The following VWA8 variants were observed in gnomAD, a reference collection of about 807,000 sequenced individuals.
VWA8 encodes the protein von Willebrand factor A domain-containing protein 8.
VWA8 carries 221 observed loss-of-function variants against 241.5 expected under a neutral mutation model. The observed-to-expected ratio is 0.91, with a 90% CI of 0.82 to 1.02. VWA8 has a LOEUF of 1.02. Among genes scored for constraint, VWA8 ranks in the 50% least tolerant of loss-of-function variants. VWA8 has a pLI of 0.00. For synonymous variants in VWA8, 852 were observed against 827.1 expected (o/e 1.03, Z -0.52); for missense variants, 2,322 against 2,328.7 (o/e 1.00, Z 0.06).
In VWA8 at chr13:41,881,930, G is replaced by A. The variant is rs1214303397; in HGVS notation, c.1080+1457C>T. On this transcript the variant is annotated intron_variant, in intron 9 of 44. Coordinates refer to ENST00000379310, the MANE Select transcript of VWA8 (RefSeq NM_015058.2). ...TGACCCCCACCTCCCTCCCGGACGG[G>A]GTGGCTGCTGGGCGGAGACGCTCCT... is the stretch of plus-strand genomic sequence containing the variant. Among the ~76,000 whole-genome samples, 3 of 150,722 alleles carry A rather than the reference G, an allele frequency of 2.0e-5. 1 individual carries two copies. Among genetic ancestry groups the A allele is most frequent in the Admixed American group, 2.0e-4 (3 of 15,180 alleles).
chr13:41,638,822 A>G (rs75360045), intron 37 of VWA8, among the ~76,000 whole-genome samples: 3,067 of 152,292 alleles, frequency 0.02, 59 homozygotes, highest in East Asian at 0.097. Context: ...GTTCAGAAAA[A>G]TATTAGAGCA....
At chr13:41,680,390 C>T (rs1428578119) in intron 35 of VWA8, among the ~76,000 whole-genome samples, 1 of 152,166 alleles carries the variant, frequency 6.6e-6, no homozygotes, top group South Asian at 2.1e-4. Flanking sequence ...CTTCACCATG[C>T]TCATAGGGAT....
At chr13:41,678,978 A>G (rs1192108306) in intron 35 of VWA8, among the ~76,000 whole-genome samples, 6 of 152,214 alleles carry the variant, frequency 3.9e-5, no homozygotes, top group Non-Finnish European at 5.9e-5. Context: ...AATATTTACA[A>G]AAAGATTCTT....
Position 41,692,953 on chromosome 13 carries a change from A to G in VWA8, c.3584T>C (p.Leu1195Ser). 1 of 1,610,028 alleles carries G rather than the reference A, an allele frequency of 6.2e-7. No homozygotes were observed. Among genetic ancestry groups the G allele is most frequent in the Non-Finnish European group, 8.5e-7 (1 of 1,177,308 alleles). The change falls in exon 30 of 45, where the codon TTA becomes TCA. Residue 1195 changes from leucine to serine, a missense_variant. Coordinates refer to ENST00000379310, the MANE Select transcript of VWA8 (RefSeq NM_015058.2). ...ATGAAGGGCCCGGCCAGTAGTATCT[A>G]ACAACAGGATAACATTACTCTGCAA... Reference protein sequence around the residue: ...HEQQSNVILLLDTTGRALHRL... With the variant: ...HEQQSNVILLSDTTGRALHRL...
chr13:41,889,882 T>A (rs1874743917), intron 5 of VWA8, among the ~76,000 whole-genome samples: 2 of 152,340 alleles, frequency 1.3e-5, no homozygotes, highest in Middle Eastern at 3.4e-3. Flanking sequence ...TAATCTCTAG[T>A]GGCAAGTAGT....
chr13:41,687,480 C>T (rs906958126), intron 34 of VWA8, among the ~76,000 whole-genome samples: 6 of 152,064 alleles, frequency 3.9e-5, no homozygotes, highest in African/African-American at 1.4e-4. Flanking sequence ...TAGTTTCATA[C>T]ATAATCCAAA....
At chr13:41,724,300 G>A (rs2045414963) in intron 24 of VWA8, among the ~76,000 whole-genome samples, 2 of 152,206 alleles carry the variant, frequency 1.3e-5, no homozygotes, top group South Asian at 4.1e-4. Context: ...ACAAATGACT[G>A]TGAGGAATTT....
chr13:41,880,575 C>T (rs899030674), intron 9 of VWA8, among the ~76,000 whole-genome samples: 1 of 152,220 alleles, frequency 6.6e-6, no homozygotes, highest in African/African-American at 2.4e-5. Context: ...ATTTAGCTAT[C>T]CAATCTCTTC....
intron 17 of VWA8, among the ~76,000 whole-genome samples, chr13:41,797,976 G>A (rs1052729372): frequency 1.3e-5 from 2 of 151,986 alleles, no homozygotes; most frequent in African/African-American, 2.4e-5. Flanking sequence ...GTGCTGACAG[G>A]TATAACATTC....
chr13:41,836,657 G>A (rs1454462985), intron 12 of VWA8, among the ~76,000 whole-genome samples: 3 of 152,036 alleles, frequency 2.0e-5, no homozygotes, highest in Non-Finnish European at 4.4e-5. Context: ...CACAGGATGT[G>A]TACAGTACTT....
rs771511624 is a variant in VWA8 at position 41,907,686 on chromosome 13, T to C, written c.383A>G (p.Lys128Arg). The change falls in exon 4 of 45, where the codon AAA (lysine) becomes AGA (arginine). Residue 128 changes from lysine (K) to arginine (R), a missense_variant. Coordinates refer to ENST00000379310, the MANE Select transcript of VWA8 (RefSeq NM_015058.2). ...SIAMQYLELT[K>R]REVEYIALSR... ...CAGGGCAATGTATTCGACCTCCCGTTTGGTCAGCTCCTGTAGAGAAGAGAA... is the reference window on the plus strand; with the variant it reads ...CAGGGCAATGTATTCGACCTCCCGTCTGGTCAGCTCCTGTAGAGAAGAGAA... The C allele has an allele frequency of 5.6e-6, 9 of 1,613,892 alleles. No homozygotes were observed. The highest frequency in any genetic ancestry group is 1.7e-5 in the Admixed American group (1 of 59,994).
chr13:41,726,206 A>C (rs989188283), intron 24 of VWA8, among the ~76,000 whole-genome samples: 6 of 152,310 alleles, frequency 3.9e-5, no homozygotes, highest in African/African-American at 1.4e-4. Context: ...GTGGATACAA[A>C]AAAATTTCTT....
At chr13:41,669,126 C>A (rs1347223094) in intron 37 of VWA8, among the ~76,000 whole-genome samples, 1 of 152,094 alleles carries the variant, frequency 6.6e-6, no homozygotes, top group Admixed American at 6.5e-5. Flanking sequence ...TGCCACCATG[C>A]CCAGCTTATA....
intron 21 of VWA8, among the ~76,000 whole-genome samples, chr13:41,737,892 AG>A (rs60453988): frequency 0.18 from 27,437 of 150,766 alleles, 3,087 homozygotes; most frequent in East Asian, 0.35. Flanking sequence ...ATTAAAAAAA[AG>A]AAAAAAGAAG....
At chr13:41,636,526 T>C (rs1051459546) in intron 37 of VWA8, among the ~76,000 whole-genome samples, 1 of 152,174 alleles carries the variant, frequency 6.6e-6, no homozygotes, top group African/African-American at 2.4e-5. Context: ...CGCAAGGACT[T>C]CATGTCTAAA....
At chr13:41,952,259 C>G (rs566006265) in intron 1 of VWA8, among the ~76,000 whole-genome samples, 1 of 152,252 alleles carries the variant, frequency 6.6e-6, no homozygotes, top group East Asian at 1.9e-4. Context: ...ATCATTTGGT[C>G]GTTTAAGTTC....
rs183947038 is a variant in VWA8 at position 41,758,223 on chromosome 13, G to T, written c.2426+2905C>A. The stretch of plus-strand genomic sequence containing the variant: ...AGTTAGAAGTATTTGAAGAAATAAT[G>T]GTGTCTATTGACCTTGTTACACACT... On this transcript the variant is annotated intron_variant, in intron 21 of 44. Coordinates refer to ENST00000379310, the MANE Select transcript of VWA8 (RefSeq NM_015058.2). Among the ~76,000 whole-genome samples the T allele has an allele frequency of 1.4e-3, 217 of 150,038 alleles. 1 individual carries two copies. Among genetic ancestry groups the T allele is most frequent in the Non-Finnish European group, 2.7e-3 (179 of 67,080 alleles).
intron 9 of VWA8, among the ~76,000 whole-genome samples, chr13:41,879,092 G>C (rs150077415): frequency 6.6e-6 from 1 of 152,074 alleles, no homozygotes; most frequent in Non-Finnish European, 1.5e-5. Flanking sequence ...CTGGAGTCAC[G>C]ACCTTTGATC....
At chr13:41,584,839 T>C (rs1164993740) in intron 42 of VWA8, among the ~76,000 whole-genome samples, 2 of 152,046 alleles carry the variant, frequency 1.3e-5, no homozygotes, top group African/African-American at 4.8e-5. Flanking sequence ...CTGAAGAGAG[T>C]ATTAGCAAAA....
Sources: gnomAD v4.1 joint callset for allele counts (sites outside exome capture counted in the v4.1 genomes callset) on GRCh38, gnomAD v4.1.1 for gene constraint, MANE v1.5 for transcripts, NCBI Gene and HGNC (gene_info 2026-07-23, HGNC 2026-07-21) for gene names.